The following PLEKHH1 variants were observed in gnomAD, a reference collection of about 807,000 sequenced individuals.
PLEKHH1 encodes pleckstrin homology, MyTH4 and FERM domain containing H1.
In PLEKHH1, 104 loss-of-function variants were observed where a neutral mutation model predicts 160.0. That is an observed-to-expected ratio of 0.65 (90% CI 0.55 to 0.76). The LOEUF (loss-of-function observed/expected upper bound fraction) is 0.76, where lower values mean the gene tolerates loss of function less well. Among genes scored for constraint, PLEKHH1 ranks in the 30% least tolerant of loss-of-function variants. The pLI is 0.00. For synonymous variants in PLEKHH1, 619 were observed against 678.4 expected (o/e 0.91, Z 1.36); for missense variants, 1,427 against 1,724.1 (o/e 0.83, Z 3.05).
rs56073314 is a variant in PLEKHH1, at chr14:67,586,629, A to C, written c.3934-445A>C. ...GTGTTGACCAGCAAAAATAATAATT[A>C]CAAAGGCTAAGTTCTGATTTATTGT... On this transcript the variant is annotated intron_variant, in intron 28 of 28. Coordinates refer to ENST00000329153, the MANE Select transcript of PLEKHH1 (RefSeq NM_020715.3). The C allele has an allele frequency of 8.5e-3, 3,691 of 435,672 alleles. 119 individuals carry two copies. Among genetic ancestry groups the C allele is most frequent in the African/African-American group, 0.069 (3,339 of 48,600 alleles). 27.0% of individuals were successfully genotyped at this position (435,672 alleles called of 1,614,324 possible).
In PLEKHH1 at chr14:67,559,687, C is replaced by T; in HGVS notation, c.419C>T (p.Ala140Val). The change falls in exon 5 of 29, where the codon GCA becomes GTA. Residue 140 changes from alanine to valine, a missense_variant. By Grantham distance (64) the Ala-to-Val change is moderately conservative. This residue lies in a region of PLEKHH1 where 831 missense variants were observed against 929.2 expected (regional missense o/e 0.89). Transcript: ENST00000329153. ...KIKEWVTLKL[A>V]KLEMENQHLK... ...AAGGAATGGGTGACACTCAAGTTGG[C>T]AAAGGTGGGTTGGAAACTCATCTTG... The T allele has an allele frequency of 6.2e-7, 1 of 1,601,704 alleles. No homozygotes were observed. The highest frequency in any genetic ancestry group is 8.5e-7 in the Non-Finnish European group (1 of 1,173,370).
intron 2 of PLEKHH1, among the ~76,000 whole-genome samples, chr14:67,553,877 C>T (rs1266869621): frequency 3.9e-5 from 6 of 152,106 alleles, no homozygotes; most frequent in Non-Finnish European, 8.8e-5. Context: ...ACTCAGCTTC[C>T]ATCTAGAGGT....
Position 67,573,471 on chromosome 14 carries a change from A to G in PLEKHH1, c.1839+85A>G. 1 of 942,360 alleles carries G rather than the reference A, an allele frequency of 1.1e-6. No individual in the cohort carries two copies. The highest frequency in any genetic ancestry group is 1.5e-5 in the South Asian group (1 of 68,494). 58.4% of individuals were successfully genotyped at this position (942,360 alleles called of 1,614,324 possible). A position where few individuals can be genotyped will look rare whatever the true frequency, so the allele number is the denominator to read the frequency against. On this transcript the variant is annotated intron_variant, in intron 12 of 28. Transcript: ENST00000329153. This position sits in a 1 kb window ranked among gnomAD's most constrained non-coding sequence, Gnocchi z 4.8. ...TGTCAGATGGGACGGAGGAGGGGGA[A>G]TGTGGCCCAAGGCCAGAGGGCAAAG... is the stretch of plus-strand genomic sequence containing the variant.
chr14:67,533,986 C>A (rs2033589459), intron 1 of PLEKHH1, among the ~76,000 whole-genome samples: 1 of 152,080 alleles, frequency 6.6e-6, no homozygotes, highest in African/African-American at 2.4e-5. Context: ...AAGGAAACTC[C>A]TCTCCTTGTG....
chr14:67,557,410 G>A lies in PLEKHH1; in HGVS notation c.331G>A (p.Glu111Lys). ...CATCAGCCAGCTAGAGGCTCAGCTG[G>A]AGAAGCAGGTAAGGGCTCATGCGCA... is the stretch of plus-strand genomic sequence containing the variant. ...ELISQLEAQL[E>K]KQKQMRAEEA... Residue 111 changes from glutamate to lysine, a missense_variant, in exon 4 of 29, where the codon GAG becomes AAG. Glu to Lys is a moderately conservative substitution (Grantham distance 56). Around this residue, in one of 6 missense-constraint regions of PLEKHH1, gnomAD observed 831 missense variants for 929.2 expected, o/e 0.89. Transcript: ENST00000329153. 1 of 1,613,172 alleles carries A rather than the reference G, an allele frequency of 6.2e-7. No homozygotes were observed. Among genetic ancestry groups the A allele is most frequent in the Non-Finnish European group, 8.5e-7 (1 of 1,179,772 alleles).
chr14:67,551,728 A>C (rs1317312620), intron 2 of PLEKHH1, among the ~76,000 whole-genome samples: 1 of 152,106 alleles, frequency 6.6e-6, no homozygotes, highest in Admixed American at 6.5e-5. Context: ...ATCTCTACTA[A>C]AAATACCAAA....
chr14:67,550,604 G>T (rs753300281), intron 2 of PLEKHH1, among the ~76,000 whole-genome samples: 1 of 152,204 alleles, frequency 6.6e-6, no homozygotes, highest in East Asian at 1.9e-4. Flanking sequence ...AGAGTGAGAG[G>T]TTCTAGGAAA....
chr14:67,586,321 C>T (rs1468132636), intron 28 of PLEKHH1: 1 of 1,318,158 alleles, frequency 7.6e-7, no homozygotes, highest in Non-Finnish European at 1.1e-6. Context: ...CTAACTCTGG[C>T]CTAGCTACTA....
chr14:67,548,232 A>T (rs1594749400), intron 2 of PLEKHH1, among the ~76,000 whole-genome samples: 1 of 152,200 alleles, frequency 6.6e-6, no homozygotes, highest in Non-Finnish European at 1.5e-5. Flanking sequence ...TTCTTGCTAA[A>T]CCTGTTTCTC....
At position 67,588,239 on chromosome 14, in the gene PLEKHH1, C is replaced by A. The variant is rs765213982; in HGVS notation, c.*1004C>A. 6.6e-6 allele frequency: 1 copy of A among 152,630 alleles called. No individual in the cohort carries two copies. The highest frequency in any genetic ancestry group is 2.4e-5 in the African/African-American group (1 of 41,442). The allele number at this position is 152,630 out of a possible 1,614,324, so 9.5% of individuals were successfully genotyped here. ...CTGTCTCATTTTAATGACTGGACAG[C>A]GCTCGGTGAAGGCTGTGTTCACTGT... On this transcript the variant is annotated 3_prime_UTR_variant, in exon 29 of 29. Transcript: ENST00000329153.
At chr14:67,570,755 G>T (rs1869996762) in intron 9 of PLEKHH1, 1 of 151,882 alleles carries the variant, frequency 6.6e-6, no homozygotes, top group Non-Finnish European at 1.5e-5. Flanking sequence ...GACAGAGTCT[G>T]GCTCTGTTGC....
chr14:67,557,331 C>G lies in PLEKHH1; in HGVS notation c.252C>G (p.Ser84Arg). 5 of 1,613,430 alleles carry G rather than the reference C, an allele frequency of 3.1e-6. No homozygotes were observed. Among genetic ancestry groups the G allele is most frequent in the Non-Finnish European group, 4.2e-6 (5 of 1,179,426 alleles). ...SNLKNVDSEGSLHRKYQELLK... is the reference protein window; with the variant it reads ...SNLKNVDSEGRLHRKYQELLK... ...TGAAGAATGTGGACTCTGAGGGGAG[C>G]CTGCACCGGAAATACCAAGAATTGC... is the stretch of plus-strand genomic sequence containing the variant. Residue 84 changes from serine (S) to arginine (R), a missense_variant, in exon 4 of 29, where the codon AGC becomes AGG. Physicochemically the swap from Ser to Arg is moderately radical, Grantham distance 110. Around this residue, in one of 6 missense-constraint regions of PLEKHH1, gnomAD observed 831 missense variants for 929.2 expected, o/e 0.89. Transcript: ENST00000329153.
rs767344112 is a variant in PLEKHH1, at chr14:67,571,786, A to G, written c.1469A>G (p.Asp490Gly). 20 of 1,613,744 alleles carry G rather than the reference A, an allele frequency of 1.2e-5. 1 individual carries two copies. In the South Asian group the frequency reaches 2.2e-4, roughly 18 times the overall value. The change falls in exon 10 of 29, where the codon GAC becomes GGC. Residue 490 changes from aspartate to glycine, a missense_variant. Physicochemically the swap from Asp to Gly is moderately conservative, Grantham distance 94. Transcript: ENST00000329153. ...CAGATCAGCAACATGCCCTTTATGG[A>G]CGAGTCCTCTGGGTCTGACGATGAC... ...ATQISNMPFM[D>G]ESSGSDDDCS...
In PLEKHH1 at chr14:67,582,277, G is replaced by GA; in HGVS notation, c.3426+70dup. 2 of 1,608,594 alleles carry GA rather than the reference G, an allele frequency of 1.2e-6. No homozygotes were observed. Among genetic ancestry groups the GA allele is most frequent in the Non-Finnish European group, 1.7e-6 (2 of 1,178,228 alleles). The stretch of plus-strand genomic sequence containing the variant: ...TTAGAATGAATGCACCATGCAGCCT[G>GA]AAACACAGGAGAGATTCTGCAGATC... On this transcript the variant is annotated intron_variant, in intron 24 of 28. Coordinates refer to ENST00000329153, the MANE Select transcript of PLEKHH1 (RefSeq NM_020715.3). The surrounding 1 kb of genome is among the most constrained non-coding windows in gnomAD (Gnocchi z 5.0).
intron 4 of PLEKHH1, among the ~76,000 whole-genome samples, chr14:67,558,610 T>C (rs2034693095): frequency 1.3e-5 from 2 of 152,198 alleles, no homozygotes; most frequent in African/African-American, 4.8e-5. Context: ...CATTTTACAA[T>C]TGGAATCAGT....
chr14:67,575,717 G>A (rs528677923), intron 15 of PLEKHH1, 106 bp from the exon 16 acceptor site: 6 of 850,288 alleles, frequency 7.1e-6, no homozygotes, highest in East Asian at 5.3e-5. Flanking sequence ...TCCTGTCATC[G>A]GTCCATATCC....
chr14:67,580,395 G>C (rs2035838048), intron 22 of PLEKHH1: 1 of 167,000 alleles, frequency 6.0e-6, no homozygotes, highest in Non-Finnish European at 1.3e-5. Context: ...ATTGTGGTCT[G>C]GGATTACTGT....
intron 1 of PLEKHH1, among the ~76,000 whole-genome samples, chr14:67,540,924 T>C (rs2033940617): frequency 6.6e-6 from 1 of 152,214 alleles, no homozygotes; most frequent in South Asian, 2.1e-4. Context: ...CCAGAAGGCA[T>C]CTGAGTGAAT....
chr14:67,559,654 C>G lies in PLEKHH1; in HGVS notation c.386C>G (p.Ala129Gly), dbSNP rs1434733177. Residue 129 changes from alanine to glycine, a missense_variant, in exon 5 of 29, where the codon GCA becomes GGA. Coordinates refer to ENST00000329153, the MANE Select transcript of PLEKHH1 (RefSeq NM_020715.3). ...EEAKTVQEKA[A>G]KIKEWVTLKL... ...GCAAAAACTGTTCAAGAAAAAGCTG[C>G]AAAGATCAAGGAATGGGTGACACTC... 12 of 1,606,762 alleles carry G rather than the reference C, an allele frequency of 7.5e-6. No individual in the cohort carries two copies. The highest frequency in any genetic ancestry group is 1.0e-5 in the Non-Finnish European group (12 of 1,176,746).
Sources: allele counts gnomAD v4.1 joint callset (sites outside exome capture counted in the v4.1 genomes callset), GRCh38; gene constraint gnomAD v4.1.1; regional missense constraint gnomAD v4.1.1; non-coding constraint Gnocchi (gnomAD v3.1); transcripts MANE v1.5; gene names NCBI Gene and HGNC (gene_info 2026-07-23, HGNC 2026-07-21).